FBRSL1: variants seen among roughly 807,000 people sequenced by gnomAD.
FBRSL1 encodes the protein fibrosin-1-like protein.
In FBRSL1, 51 loss-of-function variants were observed where a neutral mutation model predicts 89.6. The observed-to-expected ratio is 0.57, with a 90% CI of 0.45 to 0.72. The LOEUF is 0.72. Ranked by LOEUF, FBRSL1 falls within the 30% of genes least tolerant of loss-of-function variation. The pLI is 0.00. For missense variants in FBRSL1, 1,618 were observed against 1,451.8 expected, an observed-to-expected ratio of 1.11 and a Z score of -1.86; for synonymous variants, 779 against 681.1, an observed-to-expected ratio of 1.14 and a Z score of -2.24.
chr12:132,581,629 C>G (rs1000920126), intron 16 of FBRSL1, 112 bp from the exon 17 acceptor site: 2 of 1,472,480 alleles, frequency 1.4e-6, no homozygotes, highest in Non-Finnish European at 1.9e-6. Flanking sequence ...CCCCTTGGGT[C>G]ATGCAGGCAG....
In FBRSL1 at chr12:132,574,484, C is replaced by T. The variant is rs2040252432; in HGVS notation, c.1630-9C>T. 1 of 1,549,942 alleles carries T rather than the reference C, an allele frequency of 6.5e-7. No homozygotes were observed. The highest frequency in any genetic ancestry group is 8.7e-7 in the Non-Finnish European group (1 of 1,146,662). Reference sequence around the variant, plus strand: ...ACCAGCCCCACTGAGCGCTTCCATCCTGTCGCAGAAGCCGGGGAGGTGGTG... The same window carrying T: ...ACCAGCCCCACTGAGCGCTTCCATCTTGTCGCAGAAGCCGGGGAGGTGGTG... On this transcript the variant is annotated splice_polypyrimidine_tract_variant and intron_variant, in intron 13 of 18. Transcript: ENST00000680143.
intron 4 of FBRSL1, among the ~76,000 whole-genome samples, chr12:132,540,426 C>T (rs370754113): frequency 1.2e-4 from 18 of 149,324 alleles, no homozygotes; most frequent in African/African-American, 3.5e-4. Context: ...CCTGAGAGTG[C>T]GCCCAGCTGG....
chr12:132,538,682 C>T (rs562748508), intron 4 of FBRSL1, among the ~76,000 whole-genome samples: 2 of 152,354 alleles, frequency 1.3e-5, no homozygotes, highest in African/African-American at 2.4e-5. Flanking sequence ...CCTCACTCAC[C>T]TGCAGCTCCT....
intron 9 of FBRSL1, chr12:132,572,087 C>T: frequency 1.7e-6 from 1 of 585,634 alleles, no homozygotes; most frequent in African/African-American, 1.9e-5. Flanking sequence ...CTTAGAATGG[C>T]AGGGCCGCCC....
chr12:132,523,921 G>A (rs1190627250), intron 2 of FBRSL1, among the ~76,000 whole-genome samples: 1 of 152,224 alleles, frequency 6.6e-6, no homozygotes, highest in African/African-American at 2.4e-5. Context: ...GTGGGACCCG[G>A]TGGGCAGGGC....
rs879759065 is a variant in FBRSL1 at position 132,570,427 on chromosome 12, T to C, written c.1100T>C (p.Leu367Pro). Reference protein sequence around the residue: ...GPHLSTSHLALRSQAQHQLHA... With the variant: ...GPHLSTSHLAPRSQAQHQLHA... The stretch of plus-strand genomic sequence containing the variant: ...CACCTGTCTACCTCACACCTGGCGC[T>C]CCGGTCCCAGGCGCAGCACCAGCTC... The change falls in exon 8 of 19, where the codon CTC (leucine) becomes CCC (proline). Residue 367 changes from leucine (L) to proline (P), a missense_variant. Coordinates refer to ENST00000680143, the MANE Select transcript of FBRSL1 (RefSeq NM_001367871.1). 6.5e-7 allele frequency: 1 copy of C among 1,534,718 alleles called. No homozygotes were observed. Among genetic ancestry groups the C allele is most frequent in the Non-Finnish European group, 8.7e-7 (1 of 1,145,704 alleles).
intron 1 of FBRSL1, among the ~76,000 whole-genome samples, chr12:132,505,940 C>T (rs2136524730): frequency 6.6e-6 from 1 of 152,386 alleles, no homozygotes. Context: ...TGGGAATGGC[C>T]TCTGTTCTCT....
rs1723436863 is a variant in FBRSL1, at chr12:132,583,692, C to G, written c.2923C>G (p.Arg975Gly). 8.5e-6 allele frequency: 10 copies of G among 1,174,558 alleles called. No homozygotes were observed. The highest frequency in any genetic ancestry group is 1.1e-5 in the Non-Finnish European group (10 of 951,202). The allele number at this position is 1,174,558 out of a possible 1,614,324, so 72.8% of individuals were successfully genotyped here. ...PPTPPGPPRS[R>G]TTPLGGLGPG... ...CACGCCCCCCGGGCCGCCGCGGAGC[C>G]GGACTACTCCGCTGGGGGGCCTCGG... is the stretch of plus-strand genomic sequence containing the variant. Residue 975 changes from arginine (R) to glycine (G), a missense_variant, in exon 19 of 19, where the codon CGG becomes GGG. Physicochemically the swap from Arg to Gly is moderately radical, Grantham distance 125. Coordinates refer to ENST00000680143, the MANE Select transcript of FBRSL1 (RefSeq NM_001367871.1).
intron 11 of FBRSL1, among the ~76,000 whole-genome samples, 192 bp from the exon 12 acceptor site, chr12:132,573,898 C>A (rs1306249202): frequency 6.6e-6 from 1 of 152,202 alleles, no homozygotes; most frequent in African/African-American, 2.4e-5. Flanking sequence ...CTGCTTCCCA[C>A]CTTTGCAGAA....
chr12:132,563,615 A>T (rs1178898808), intron 5 of FBRSL1, among the ~76,000 whole-genome samples: 1 of 151,998 alleles, frequency 6.6e-6, no homozygotes, highest in Non-Finnish European at 1.5e-5. Flanking sequence ...CAATGCTGTC[A>T]TTTACTGGCA....
intron 5 of FBRSL1, among the ~76,000 whole-genome samples, chr12:132,555,700 T>C (rs1180631270): frequency 6.6e-6 from 1 of 152,200 alleles, no homozygotes; most frequent in Non-Finnish European, 1.5e-5. Flanking sequence ...GTGGTTGCAT[T>C]GCTCCTATCT....
At chr12:132,582,333 ATCCCCGGTTCCCCC>A in intron 18 of FBRSL1, 67 bp downstream of exon 18, 1 of 1,255,308 alleles carries the variant, frequency 8.0e-7, no homozygotes, top group East Asian at 2.9e-5. Flanking sequence ...CCCTCCCGTC[ATCCCCGGTTCCCCC>A]TCCCCCGTTC....
intron 4 of FBRSL1, among the ~76,000 whole-genome samples, chr12:132,537,177 G>A (rs2036836333): frequency 1.3e-5 from 2 of 152,190 alleles, no homozygotes; most frequent in Non-Finnish European, 2.9e-5. Context: ...TCGTGTGGTG[G>A]GTGCCCTCTG....
At chr12:132,548,562 C>T (rs901631037) in intron 5 of FBRSL1, among the ~76,000 whole-genome samples, 3 of 152,348 alleles carry the variant, frequency 2.0e-5, no homozygotes, top group Non-Finnish European at 2.9e-5. Flanking sequence ...CCCGGGCAGC[C>T]CCTGAGCCAC....
rs372404665 is a variant in FBRSL1, at chr12:132,581,443, C to T, written c.1839C>T (p.Ala613=). 2.3e-5 allele frequency: 36 copies of T among 1,551,002 alleles called. No individual in the cohort carries two copies. Among genetic ancestry groups the T allele is most frequent in the East Asian group, 2.2e-4 (9 of 40,930 alleles). Residue 613 remains alanine, a synonymous_variant, in exon 16 of 19, where the codon GCC becomes GCT. Coordinates refer to ENST00000680143, the MANE Select transcript of FBRSL1 (RefSeq NM_001367871.1). ...LARPLFPSTG[A]AHPASNPFGP... ...AAACCTGGCTGCCCCCCCCAGGTGC[C>T]GCCCATCCTGCCTCCAACCCATTTG...
chr12:132,532,697 C>T lies in FBRSL1; in HGVS notation c.615+4709C>T, dbSNP rs548198989. ...GAAGCCAAGGAGTCGCTGTCCCAGG[C>T]GGGGTGTTAAGCGCAGTGCAGGAGG... On this transcript the variant is annotated intron_variant, in intron 4 of 18. Coordinates refer to ENST00000680143, the MANE Select transcript of FBRSL1 (RefSeq NM_001367871.1). Among the ~76,000 whole-genome samples, 13 of 97,816 alleles carry T rather than the reference C, an allele frequency of 1.3e-4. No individual in the cohort carries two copies. In the East Asian group the frequency reaches 2.6e-3, roughly 20 times the overall value. 64.2% of individuals were successfully genotyped at this position (97,816 alleles called of 152,430 possible). A position where few individuals can be genotyped will look rare whatever the true frequency, so the allele number is the denominator to read the frequency against.
intron 5 of FBRSL1, chr12:132,560,025 A>T (rs967832992): frequency 6.7e-6 from 1 of 149,430 alleles, no homozygotes; most frequent in Non-Finnish European, 1.5e-5. Flanking sequence ...CCGGGAGCCC[A>T]GAGCGCACCG....
chr12:132,493,532 C>T (rs1035299027), intron 1 of FBRSL1, among the ~76,000 whole-genome samples: 4 of 152,322 alleles, frequency 2.6e-5, no homozygotes, highest in South Asian at 2.1e-4. Flanking sequence ...GACCCCCACT[C>T]GCAGCCCCTT....
intron 14 of FBRSL1, among the ~76,000 whole-genome samples, chr12:132,575,162 G>C (rs1468021691): frequency 6.6e-6 from 1 of 152,134 alleles, no homozygotes; most frequent in Non-Finnish European, 1.5e-5. Flanking sequence ...CGTCACCTCC[G>C]CACACAACTC....
Sources: allele counts gnomAD v4.1 joint callset (sites outside exome capture counted in the v4.1 genomes callset), GRCh38; gene constraint gnomAD v4.1.1; transcripts MANE v1.5; gene names NCBI Gene and HGNC (gene_info 2026-07-23, HGNC 2026-07-21).